The following PTPRN2 variants were observed in gnomAD, a reference collection of about 807,000 sequenced individuals.
PTPRN2 encodes the protein protein tyrosine phosphatase receptor type N2.
PTPRN2 carries 74 observed loss-of-function variants against 118.8 expected under a neutral mutation model. That is an observed-to-expected ratio of 0.62 (90% CI 0.52 to 0.76). The LOEUF (loss-of-function observed/expected upper bound fraction) is 0.76, where lower values mean the gene tolerates loss of function less well. PTPRN2 is among the 30% of genes least tolerant of loss of function. The probability of loss-of-function intolerance (pLI) is 0.00; values close to 1 mark genes in which losing one functional copy is unlikely to be tolerated. For missense variants in PTPRN2, 1,481 were observed against 1,394.4 expected (o/e 1.06, Z -0.99); for synonymous variants, 641 against 608.0 (o/e 1.05, Z -0.80).
intron 6 of PTPRN2, among the ~76,000 whole-genome samples, chr7:158,155,718 TCATCAC>T (rs1179174217): frequency 1.1e-4 from 15 of 131,694 alleles, no homozygotes; most frequent in Non-Finnish European, 1.6e-5. Flanking sequence ...GTCAACACCA[TCATCAC>T]CATCACCATC....
In PTPRN2 at chr7:157,763,797, G is replaced by A. The variant is rs1171571750; in HGVS notation, c.1789-80860C>T. Among the ~76,000 whole-genome samples, 4 of 152,060 alleles carry A rather than the reference G, an allele frequency of 2.6e-5. No homozygotes were observed. The highest frequency in any genetic ancestry group is 7.2e-5 in the African/African-American group (3 of 41,414). ...GGCAGTGGTAGGAGGAGGCTGCACC[G>A]GGCAGGGTTAGGGGCTGCTGGGCCT... is the stretch of plus-strand genomic sequence containing the variant. On this transcript the variant is annotated intron_variant, in intron 12 of 22. Transcript: ENST00000389418. The surrounding 1 kb of genome is among the most constrained non-coding windows in gnomAD (Gnocchi z 4.9).
chr7:157,577,045 A>G (rs1377798925), intron 18 of PTPRN2, among the ~76,000 whole-genome samples: 1 of 152,194 alleles, frequency 6.6e-6, no homozygotes, highest in African/African-American at 2.4e-5. Context: ...AAAAGGTTAC[A>G]ATCCAAAACT....
At chr7:158,397,882 A>T (rs200541600) in intron 2 of PTPRN2, among the ~76,000 whole-genome samples, 65,954 of 151,854 alleles carry the variant, frequency 0.43, 15,217 homozygotes, top group East Asian at 0.75. Flanking sequence ...ACGGCCTGAC[A>T]GTAACAATCA....
chr7:158,572,793 T>C (rs1160240629), intron 1 of PTPRN2, among the ~76,000 whole-genome samples: 1 of 152,232 alleles, frequency 6.6e-6, no homozygotes, highest in East Asian at 1.9e-4. Flanking sequence ...CTTTACACTT[T>C]GTTCTTCAGT....
chr7:157,909,972 T>C (rs1306070096), intron 11 of PTPRN2, among the ~76,000 whole-genome samples: 2 of 152,244 alleles, frequency 1.3e-5, no homozygotes, highest in Non-Finnish European at 2.9e-5. Context: ...AGGATGATCA[T>C]GCCACCACTG....
chr7:158,321,487 T>TCTGCAGCC (rs1803013283), intron 2 of PTPRN2, among the ~76,000 whole-genome samples: 1 of 152,154 alleles, frequency 6.6e-6, no homozygotes, highest in South Asian at 2.1e-4. Flanking sequence ...CCCGTCCAGC[T>TCTGCAGCC]CTGCAGCCCT....
At chr7:157,743,127 C>A (rs1409948038) in intron 12 of PTPRN2, among the ~76,000 whole-genome samples, 1 of 152,216 alleles carries the variant, frequency 6.6e-6, no homozygotes, top group Non-Finnish European at 1.5e-5. Context: ...TGAGCCTGGG[C>A]AGCTCCCTGC....
chr7:158,494,199 C>T (rs376170449), intron 1 of PTPRN2, among the ~76,000 whole-genome samples: 4 of 152,220 alleles, frequency 2.6e-5, no homozygotes, highest in African/African-American at 9.6e-5. Flanking sequence ...GGAGGAAGCT[C>T]GGCACATCCT....
At chr7:157,682,578 G>C in intron 13 of PTPRN2, 147 bp downstream of exon 13, 2 of 787,494 alleles carry the variant, frequency 2.5e-6, no homozygotes, top group African/African-American at 3.4e-5. Flanking sequence ...ATGCTGATGA[G>C]AAGTTCCAAA....
chr7:158,529,793 C>G lies in PTPRN2; in HGVS notation c.113-40008G>C, dbSNP rs1825082429. ...TCACAGTCTCCCCAGGCCTCCCCAG[C>G]CAGCATGAGTTCTCAGCATCTCCTC... On this transcript the variant is annotated intron_variant, in intron 1 of 22. Transcript: ENST00000389418. This position sits in a 1 kb window ranked among gnomAD's most constrained non-coding sequence, Gnocchi z 4.7. Among the ~76,000 whole-genome samples, 1 of 152,160 alleles carries G rather than the reference C, an allele frequency of 6.6e-6. No individual in the cohort carries two copies. The highest frequency in any genetic ancestry group is 2.4e-5 in the African/African-American group (1 of 41,442).
intron 12 of PTPRN2, among the ~76,000 whole-genome samples, chr7:157,754,668 T>A (rs1388208278): frequency 1.3e-5 from 2 of 152,382 alleles, no homozygotes; most frequent in East Asian, 3.9e-4. Flanking sequence ...AAGGGATCTT[T>A]GTGTTTTACT....
At chr7:158,034,124 G>A (rs1291953591) in intron 11 of PTPRN2, among the ~76,000 whole-genome samples, 2 of 151,114 alleles carry the variant, frequency 1.3e-5, no homozygotes, top group Admixed American at 1.3e-4. Context: ...CGTGTGGCTG[G>A]CTGCACACTG....
chr7:157,653,361 G>A (rs1805804412), intron 14 of PTPRN2, among the ~76,000 whole-genome samples: 1 of 152,184 alleles, frequency 6.6e-6, no homozygotes, highest in South Asian at 2.1e-4. Flanking sequence ...TGGCGGAAAC[G>A]AGGCTTTGCG....
intron 3 of PTPRN2, among the ~76,000 whole-genome samples, chr7:158,278,016 G>A (rs1160246883): frequency 6.6e-6 from 1 of 152,188 alleles, no homozygotes. Context: ...GGGAGGCCAG[G>A]TCCTTGTCTG....
chr7:157,561,066 C>T (rs1239229948), intron 21 of PTPRN2, among the ~76,000 whole-genome samples: 2 of 152,178 alleles, frequency 1.3e-5, no homozygotes, highest in African/African-American at 4.8e-5. Flanking sequence ...ATTCCCTGGC[C>T]CTCTTAGTCC....
At chr7:158,362,894 T>C (rs1809113787) in intron 2 of PTPRN2, among the ~76,000 whole-genome samples, 1 of 152,136 alleles carries the variant, frequency 6.6e-6, no homozygotes, top group Non-Finnish European at 1.5e-5. Flanking sequence ...ACCGTCCCTC[T>C]GGGGACCTTG....
chr7:158,334,682 C>T (rs1223752278), intron 2 of PTPRN2, among the ~76,000 whole-genome samples: 7 of 74,186 alleles, frequency 9.4e-5, no homozygotes, highest in East Asian at 4.2e-4. Flanking sequence ...GTCACTCACA[C>T]CCACACTCTC....
intron 12 of PTPRN2, among the ~76,000 whole-genome samples, chr7:157,852,954 C>T (rs1213138122): frequency 6.6e-6 from 1 of 152,016 alleles, no homozygotes; most frequent in Non-Finnish European, 1.5e-5. Flanking sequence ...GGCCATGCCA[C>T]CAGCTTTTTC....
In PTPRN2 at chr7:157,977,641, G is replaced by A. The variant is rs1424605693; in HGVS notation, c.1724-78904C>T. On this transcript the variant is annotated intron_variant, in intron 11 of 22. Coordinates refer to ENST00000389418, the MANE Select transcript of PTPRN2 (RefSeq NM_002847.5). The surrounding 1 kb of genome is among the most constrained non-coding windows in gnomAD (Gnocchi z 4.6). ...CATGGAGTAGTGTACAAGGCCCCAG[G>A]TGGGATGAATTGAGCATGTTCAGGG... is the stretch of plus-strand genomic sequence containing the variant. 6.6e-6 allele frequency among the ~76,000 whole-genome samples: 1 copy of A among 151,688 alleles called. No homozygotes were observed. The highest frequency in any genetic ancestry group is 1.5e-5 in the Non-Finnish European group (1 of 67,868).
Sources: allele counts gnomAD v4.1 joint callset (sites outside exome capture counted in the v4.1 genomes callset), GRCh38; gene constraint gnomAD v4.1.1; non-coding constraint Gnocchi (gnomAD v3.1); transcripts MANE v1.5; gene names NCBI Gene and HGNC (gene_info 2026-07-23, HGNC 2026-07-21).